EYS: variants seen among roughly 807,000 people sequenced by gnomAD.
EYS encodes the protein EGF-like photoreceptor maintenance factor, also known as protein eyes shut homolog.
A neutral mutation model predicts 282.1 loss-of-function variants in EYS; 250 were observed. The observed-to-expected ratio is 0.89, with a 90% CI of 0.80 to 0.98. EYS has a LOEUF of 0.98. Among genes scored for constraint, EYS ranks in the 50% least tolerant of loss-of-function variants. EYS has a pLI of 0.00. For missense variants in EYS, 4,016 were observed against 3,709.0 expected (o/e 1.08, Z -2.15); for synonymous variants, 1,355 against 1,282.9 (o/e 1.06, Z -1.20).
intron 19 of EYS, among the ~76,000 whole-genome samples, chr6:64,879,813 T>C (rs770553364): frequency 3.4e-4 from 52 of 152,004 alleles, no homozygotes; most frequent in Non-Finnish European, 8.8e-5. Context: ...AGGGATAAGC[T>C]AAGTTTTAAT....
intron 5 of EYS, among the ~76,000 whole-genome samples, chr6:65,481,931 T>G (rs1765622208): frequency 6.6e-6 from 1 of 152,082 alleles, no homozygotes; most frequent in Non-Finnish European, 1.5e-5. Flanking sequence ...TGCCAATAAA[T>G]CTATGGAGGA....
intron 36 of EYS, among the ~76,000 whole-genome samples, chr6:63,830,214 T>C (rs897438477): frequency 2.0e-5 from 3 of 152,230 alleles, no homozygotes; most frequent in African/African-American, 7.2e-5. Context: ...TGGACGGAGA[T>C]GACTTTGACA....
chr6:64,867,948 G>T (rs9342442), intron 19 of EYS, among the ~76,000 whole-genome samples: 13,952 of 151,112 alleles, frequency 0.092, 840 homozygotes, highest in East Asian at 0.32. Flanking sequence ...CATTAATTTT[G>T]ATTTTATTTC....
chr6:65,099,406 C>A (rs544607643), intron 12 of EYS, among the ~76,000 whole-genome samples: 1 of 150,780 alleles, frequency 6.6e-6, no homozygotes, highest in South Asian at 2.1e-4. Context: ...GTAAGAAAAT[C>A]ATATTCTCTA....
intron 2 of EYS, among the ~76,000 whole-genome samples, chr6:65,612,204 A>G (rs1448879395): frequency 1.3e-5 from 2 of 150,772 alleles, no homozygotes; most frequent in African/African-American, 2.4e-5. Context: ...CTGTATATAT[A>G]TGTATATATA....
chr6:65,287,172 C>T (rs7742031), intron 12 of EYS, among the ~76,000 whole-genome samples: 1 of 151,260 alleles, frequency 6.6e-6, no homozygotes, highest in African/African-American at 2.4e-5. Context: ...TTAGATGAAA[C>T]AGAATCAGAA....
At chr6:65,637,941 G>A (rs998558388) in intron 2 of EYS, among the ~76,000 whole-genome samples, 2 of 152,174 alleles carry the variant, frequency 1.3e-5, no homozygotes, top group African/African-American at 2.4e-5. Flanking sequence ...GGTGGAAAGG[G>A]GTGCATCCCA....
chr6:65,490,493 T>C, intron 5 of EYS, 101 bp downstream of exon 5: 1 of 751,258 alleles, frequency 1.3e-6, no homozygotes, highest in Non-Finnish European at 2.3e-6. Context: ...TCTGAAATTG[T>C]ATTTTTCAAT....
intron 5 of EYS, among the ~76,000 whole-genome samples, chr6:65,443,583 CACATAT>C (rs1191131075): frequency 2.0e-5 from 3 of 151,612 alleles, no homozygotes; most frequent in Admixed American, 6.6e-5. Context: ...TGTGTATATA[CACATAT>C]ACATATACAT....
At chr6:64,947,842 C>T (rs926442832) in intron 14 of EYS, among the ~76,000 whole-genome samples, 18 of 151,706 alleles carry the variant, frequency 1.2e-4, no homozygotes, top group South Asian at 2.1e-4. Flanking sequence ...ATAAAATCTT[C>T]GGGACATGCC....
intron 15 of EYS, among the ~76,000 whole-genome samples, chr6:64,926,505 G>A (rs1262449852): frequency 3.3e-5 from 5 of 152,174 alleles, no homozygotes; most frequent in East Asian, 1.9e-4. Context: ...AAGGATCTCC[G>A]TTATAGCCTG....
chr6:63,737,330 C>T (rs1351096679), intron 41 of EYS, among the ~76,000 whole-genome samples: 1 of 152,108 alleles, frequency 6.6e-6, no homozygotes, highest in African/African-American at 2.4e-5. Flanking sequence ...GCCTTTTCTG[C>T]ATCTATTGAG....
chr6:64,607,571 A>T (rs745760663), intron 24 of EYS, among the ~76,000 whole-genome samples: 24 of 151,876 alleles, frequency 1.6e-4, no homozygotes, highest in Non-Finnish European at 3.1e-4. Flanking sequence ...TGACTGAATC[A>T]CCTCCCAAAA....
intron 1 of EYS, among the ~76,000 whole-genome samples, chr6:65,677,032 G>C (rs1310412472): frequency 1.1e-5 from 1 of 90,566 alleles, no homozygotes; most frequent in Non-Finnish European, 2.3e-5. Flanking sequence ...AAAAAAACTA[G>C]AAATTGAAAA....
chr6:63,855,808 A>C (rs1999579), intron 36 of EYS, among the ~76,000 whole-genome samples: 1 of 152,116 alleles, frequency 6.6e-6, no homozygotes, highest in Admixed American at 6.5e-5. Flanking sequence ...CCCATGCAAA[A>C]CTTGCACATC....
At chr6:63,869,854 A>C (rs527524223) in intron 35 of EYS, among the ~76,000 whole-genome samples, 10 of 152,234 alleles carry the variant, frequency 6.6e-5, no homozygotes, top group African/African-American at 2.4e-4. Flanking sequence ...AAAATAAAAT[A>C]ATGCATTAAT....
At chr6:63,904,843 G>T (rs1773737304) in intron 35 of EYS, among the ~76,000 whole-genome samples, 1 of 152,178 alleles carries the variant, frequency 6.6e-6, no homozygotes, top group African/African-American at 2.4e-5. Flanking sequence ...AGAAATTTTT[G>T]TATGAGTCAA....
intron 26 of EYS, among the ~76,000 whole-genome samples, chr6:64,574,256 T>C (rs539145223): frequency 6.6e-6 from 1 of 152,026 alleles, no homozygotes; most frequent in African/African-American, 2.4e-5. Context: ...GAGACGAACA[T>C]CACACACCAG....
intron 41 of EYS, among the ~76,000 whole-genome samples, chr6:63,756,193 C>T (rs1234520476): frequency 6.6e-6 from 1 of 152,174 alleles, no homozygotes; most frequent in Non-Finnish European, 1.5e-5. Context: ...AGAGAGCATC[C>T]TTGTCTTGTG....
Sources: gnomAD v4.1 joint callset for allele counts (sites outside exome capture counted in the v4.1 genomes callset) on GRCh38, gnomAD v4.1.1 for gene constraint, MANE v1.5 for transcripts, NCBI Gene and HGNC (gene_info 2026-07-23, HGNC 2026-07-21) for gene names.